The following CDC42 variants were observed in gnomAD, a reference collection of about 807,000 sequenced individuals.
CDC42 encodes the protein cell division control protein 42 homolog.
Under a neutral mutation model 20.8 loss-of-function variants are expected in CDC42, and 1 was observed. The observed-to-expected ratio is 0.05, with a 90% confidence interval of 0.02 to 0.23. CDC42 has a LOEUF of 0.23. Ranked by LOEUF, CDC42 falls within the 10% of genes least tolerant of loss-of-function variation. The pLI is 1.00. For missense variants in CDC42, 49 were observed against 227.9 expected (o/e 0.21, Z 5.05); for synonymous variants, 72 against 84.8 (o/e 0.85, Z 0.83).
chr1:22,059,293 CTTAA>C (rs1645337114), intron 1 of CDC42: 1 of 151,832 alleles, frequency 6.6e-6, no homozygotes, highest in Non-Finnish European at 1.5e-5. Context: ...AGCACGGGGC[CTTAA>C]TTATACATTT....
intron 1 of CDC42, among the ~76,000 whole-genome samples, chr1:22,071,802 A>G (rs1272945529): frequency 6.6e-6 from 1 of 152,180 alleles, no homozygotes; most frequent in Non-Finnish European, 1.5e-5. Context: ...AACGTATTTC[A>G]CATGAAGGCA....
chr1:22,090,475 A>G, intron 5 of CDC42: 1 of 989,398 alleles, frequency 1.0e-6, no homozygotes, highest in Non-Finnish European at 1.2e-6. Context: ...GACCTAGTAG[A>G]GTGTAATGGG....
intron 1 of CDC42, among the ~76,000 whole-genome samples, chr1:22,062,954 A>G (rs1195181042): frequency 6.6e-6 from 1 of 152,036 alleles, no homozygotes; most frequent in Non-Finnish European, 1.5e-5. Flanking sequence ...CTAGTTTCTT[A>G]GCTGACTTCC....
chr1:22,095,991 G>A lies in CDC42; in HGVS notation c.*4474G>A, dbSNP rs1379953945. ...TTTATTTATTTTCAGACGGGGTCTT[G>A]CACTGTTGCCCGGGCTGGAGTGCAG... On this transcript the variant is annotated 3_prime_UTR_variant, in exon 6 of 6. Coordinates refer to ENST00000656825, the MANE Select transcript of CDC42 (RefSeq NM_001791.4). Among the ~76,000 whole-genome samples the A allele has an allele frequency of 6.6e-6, 1 of 152,040 alleles. No individual in the cohort carries two copies. Among genetic ancestry groups the A allele is most frequent in the Non-Finnish European group, 1.5e-5 (1 of 68,016 alleles).
intron 5 of CDC42, among the ~76,000 whole-genome samples, chr1:22,088,953 ATGTGGGTACCAGTCC>A (rs1478909617): frequency 6.6e-6 from 1 of 152,206 alleles, no homozygotes; most frequent in Non-Finnish European, 1.5e-5. Context: ...CTAATGTGAC[ATGTGGGTACCAGTCC>A]TGTGGGATGT....
intron 1 of CDC42, among the ~76,000 whole-genome samples, chr1:22,054,442 C>A (rs548269831): frequency 1.3e-5 from 2 of 152,152 alleles, no homozygotes; most frequent in Non-Finnish European, 2.9e-5. Context: ...TCTCGGACTC[C>A]TGGGGTCAAG....
At chr1:22,067,253 C>G (rs1160672937) in intron 1 of CDC42, among the ~76,000 whole-genome samples, 2 of 152,122 alleles carry the variant, frequency 1.3e-5, no homozygotes, top group Non-Finnish European at 2.9e-5. Flanking sequence ...CTGGGAAGGA[C>G]AATATTGGGG....
rs1486191549 is a variant in CDC42 at position 22,097,421 on chromosome 1, T to C, written c.*5904T>C. Among the ~76,000 whole-genome samples the C allele has an allele frequency of 6.6e-6, 1 of 152,202 alleles. No individual in the cohort carries two copies. The highest frequency in any genetic ancestry group is 1.5e-5 in the Non-Finnish European group (1 of 68,032). ...CGTGCCTGGCTAATTTTTGTATTTT[T>C]AGTAGAGATGGGGTTTCACCATGTT... On this transcript the variant is annotated 3_prime_UTR_variant, in exon 6 of 6. Transcript: ENST00000656825.
At chr1:22,064,383 C>G (rs1223785981) in intron 1 of CDC42, among the ~76,000 whole-genome samples, 1 of 152,134 alleles carries the variant, frequency 6.6e-6, no homozygotes, top group South Asian at 2.1e-4. Flanking sequence ...GCCTCTGCCT[C>G]CTGGGTTCAA....
chr1:22,060,369 C>A (rs572822556), intron 1 of CDC42, among the ~76,000 whole-genome samples: 1 of 151,862 alleles, frequency 6.6e-6, no homozygotes, highest in Non-Finnish European at 1.5e-5. Flanking sequence ...TATTGCAATT[C>A]ATTACTCCAT....
chr1:22,089,354 C>T (rs1645692923), intron 5 of CDC42, among the ~76,000 whole-genome samples: 1 of 152,208 alleles, frequency 6.6e-6, no homozygotes, highest in Admixed American at 6.5e-5. Context: ...CTTGCTAAAA[C>T]TCATTCTAGG....
intron 1 of CDC42, among the ~76,000 whole-genome samples, chr1:22,071,589 G>A (rs1326671152): frequency 6.6e-6 from 1 of 152,150 alleles, no homozygotes; most frequent in Non-Finnish European, 1.5e-5. Flanking sequence ...ACAGCAGAAG[G>A]TTATATAAGC....
chr1:22,068,510 G>A (rs565566041), intron 1 of CDC42: 2 of 153,018 alleles, frequency 1.3e-5, no homozygotes, highest in Admixed American at 1.3e-4. Flanking sequence ...CATCTGACAC[G>A]TAAAATTCCA....
At chr1:22,054,370 C>G (rs1033003483) in intron 1 of CDC42, among the ~76,000 whole-genome samples, 1 of 152,018 alleles carries the variant, frequency 6.6e-6, no homozygotes, top group Non-Finnish European at 1.5e-5. Context: ...CATGTACCAC[C>G]ATGCCCCGCT....
intron 1 of CDC42, among the ~76,000 whole-genome samples, chr1:22,064,642 G>C (rs193134619): frequency 9.2e-5 from 14 of 151,882 alleles, no homozygotes; most frequent in Admixed American, 9.2e-4. Flanking sequence ...CTTTCACTTT[G>C]ATGGAGTTTA....
rs1404317396 is a variant in CDC42, at chr1:22,061,528, C to CTTTTTTTTTTTTTTTTTTTT, written c.-51+8789_-51+8790insTTTTTTTTTTTTTTTTTTTT. Among the ~76,000 whole-genome samples, 2 of 86,306 alleles carry CTTTTTTTTTTTTTTTTTTTT rather than the reference C, an allele frequency of 2.3e-5. 1 individual carries two copies. 56.6% of individuals were successfully genotyped at this position (86,306 alleles called of 152,430 possible). A position where few individuals can be genotyped will look rare whatever the true frequency, so the allele number is the denominator to read the frequency against. The stretch of plus-strand genomic sequence containing the variant: ...GGTCAATCAGTTTAACTTCATGTTT[C>CTTTTTTTTTTTTTTTTTTTT]TTTCTTTTTTTTTTTTTTTTTTTTT... On this transcript the variant is annotated intron_variant, in intron 1 of 5. Transcript: ENST00000656825.
chr1:22,061,304 A>G (rs916426861), intron 1 of CDC42, among the ~76,000 whole-genome samples: 2 of 151,552 alleles, frequency 1.3e-5, no homozygotes, highest in African/African-American at 4.8e-5. Flanking sequence ...GCTACTCAGG[A>G]GGCTGAGGCA....
intron 1 of CDC42, among the ~76,000 whole-genome samples, chr1:22,062,963 C>T (rs1645383219): frequency 6.6e-6 from 1 of 152,070 alleles, no homozygotes; most frequent in African/African-American, 2.4e-5. Flanking sequence ...TAGCTGACTT[C>T]CTTGACTATC....
Position 22,094,398 on chromosome 1 carries a change from C to T in CDC42, c.*2881C>T, listed in dbSNP as rs1433172018. On this transcript the variant is annotated 3_prime_UTR_variant, in exon 6 of 6. Transcript: ENST00000656825. ...CTGCAAGCTCCGCCTCCCGGGTTCACGCCATTCTCCTGCCTCAGCCTCCCG... is the reference window on the plus strand; with the variant it reads ...CTGCAAGCTCCGCCTCCCGGGTTCATGCCATTCTCCTGCCTCAGCCTCCCG... Among the ~76,000 whole-genome samples the T allele has an allele frequency of 3.7e-5, 5 of 135,798 alleles. No homozygotes were observed. The highest frequency in any genetic ancestry group is 1.2e-4 in the African/African-American group (4 of 33,742). 89.1% of individuals were successfully genotyped at this position (135,798 alleles called of 152,430 possible).
Sources: gnomAD v4.1 joint callset for allele counts (sites outside exome capture counted in the v4.1 genomes callset) on GRCh38, gnomAD v4.1.1 for gene constraint, MANE v1.5 for transcripts, NCBI Gene and HGNC (gene_info 2026-07-23, HGNC 2026-07-21) for gene names.